ABHD16A: variants seen among roughly 807,000 people sequenced by gnomAD.
The protein encoded by ABHD16A is abhydrolase domain containing 16A, phospholipase.
A neutral mutation model predicts 89.8 loss-of-function variants in ABHD16A; 47 were observed. The observed-to-expected ratio is 0.52, with a 90% CI of 0.41 to 0.67. ABHD16A has a LOEUF of 0.67. ABHD16A is among the 30% of genes least tolerant of loss of function. ABHD16A has a pLI of 0.00. For missense variants in ABHD16A, 580 were observed against 734.6 expected (o/e 0.79, Z 2.43); for synonymous variants, 251 against 280.4 (o/e 0.90, Z 1.05).
At chr6:31,697,183 G>C in intron 4 of ABHD16A, 150 bp from the exon 5 acceptor site, 1 of 691,180 alleles carries the variant, frequency 1.4e-6, no homozygotes, top group Non-Finnish European at 2.5e-6. Context: ...CGGAGAAATA[G>C]ATGTGAGCCA....
chr6:31,689,764 C>A, intron 11 of ABHD16A, 60 bp from the exon 12 acceptor site: 1 of 1,559,502 alleles, frequency 6.4e-7, no homozygotes, highest in South Asian at 1.2e-5. Context: ...TCACCTGTCC[C>A]TCCCAACGTG....
At position 31,687,024 on chromosome 6, in the gene ABHD16A, TGGA is replaced by T; in HGVS notation, c.*185_*187del. 3.3e-6 allele frequency: 2 copies of T among 603,796 alleles called. No homozygotes were observed. The highest frequency in any genetic ancestry group is 3.0e-6 in the Non-Finnish European group (1 of 335,654). The allele number at this position is 603,796 out of a possible 1,614,324, so 37.4% of individuals were successfully genotyped here. ...CATTCATGTAATGCAGGATGTATGT[TGGA>T]GAAGGTTAAGTACAGCCACATGAAT... On this transcript the variant is annotated 3_prime_UTR_variant, in exon 20 of 20. Coordinates refer to ENST00000395952, the MANE Select transcript of ABHD16A (RefSeq NM_021160.3). This position sits in a 1 kb window ranked among gnomAD's most constrained non-coding sequence, Gnocchi z 6.3.
At position 31,690,776 on chromosome 6, in the gene ABHD16A, C is replaced by A. The variant is rs1159840011; in HGVS notation, c.844-174G>T. The stretch of plus-strand genomic sequence containing the variant: ...TCCACAGGGTCCATAAGAGGAGAAG[C>A]AAAGGGATTACAAATACTCCTCAGA... On this transcript the variant is annotated intron_variant, in intron 9 of 19. Transcript: ENST00000395952. This position sits in a 1 kb window ranked among gnomAD's most constrained non-coding sequence, Gnocchi z 4.1. Among the ~76,000 whole-genome samples the A allele has an allele frequency of 6.6e-6, 1 of 152,166 alleles. No homozygotes were observed. Among genetic ancestry groups the A allele is most frequent in the African/African-American group, 2.4e-5 (1 of 41,402 alleles).
chr6:31,687,487 C>T lies in ABHD16A; in HGVS notation c.1593+11G>A, dbSNP rs753568852. Reference sequence around the variant, plus strand: ...TCAAGAACCCTTCCCACTTCCCACTCCTTAGCTCACCAGAAACAAAGCCAG... The same window carrying T: ...TCAAGAACCCTTCCCACTTCCCACTTCTTAGCTCACCAGAAACAAAGCCAG... On this transcript the variant is annotated intron_variant, in intron 19 of 19. Transcript: ENST00000395952. The surrounding 1 kb of genome is among the most constrained non-coding windows in gnomAD (Gnocchi z 6.3). 2 of 1,613,102 alleles carry T rather than the reference C, an allele frequency of 1.2e-6. No homozygotes were observed. The highest frequency in any genetic ancestry group is 1.7e-5 in the Admixed American group (1 of 60,026).
At position 31,693,483 on chromosome 6, in the gene ABHD16A, T is replaced by C. The variant is rs565961877; in HGVS notation, c.430-51A>G. The C allele has an allele frequency of 4.5e-6, 7 of 1,566,538 alleles. No homozygotes were observed. The South Asian group carries it at 7.8e-5, about 18-fold the overall frequency. The stretch of plus-strand genomic sequence containing the variant: ...GGTACTGAGAACTCAGGGGAGGCTC[T>C]CCTACCCACCCTCAACAACACCTTC... On this transcript the variant is annotated intron_variant, in intron 5 of 19. Transcript: ENST00000395952. The surrounding 1 kb of genome is among the most constrained non-coding windows in gnomAD (Gnocchi z 5.0).
Position 31,693,460 on chromosome 6 carries a change from TACTGAGA to T in ABHD16A, c.430-35_430-29del. 4.3e-6 allele frequency: 7 copies of T among 1,610,298 alleles called. No homozygotes were observed. The highest frequency in any genetic ancestry group is 5.9e-6 in the Non-Finnish European group (7 of 1,178,176). ...GCAGTGGGCACGAGAGGCAAAGGGG[TACTGAGA>T]ACTCAGGGGAGGCTCTCCTACCCAC... On this transcript the variant is annotated intron_variant, in intron 5 of 19. Coordinates refer to ENST00000395952, the MANE Select transcript of ABHD16A (RefSeq NM_021160.3). This position sits in a 1 kb window ranked among gnomAD's most constrained non-coding sequence, Gnocchi z 5.0.
Position 31,687,165 on chromosome 6 carries a change from C to T in ABHD16A, c.*47G>A, listed in dbSNP as rs1803369733. 1 of 1,533,332 alleles carries T rather than the reference C, an allele frequency of 6.5e-7. No individual in the cohort carries two copies. The highest frequency in any genetic ancestry group is 9.0e-7 in the Non-Finnish European group (1 of 1,112,816). 95.0% of individuals were successfully genotyped at this position (1,533,332 alleles called of 1,614,324 possible). Reference sequence around the variant, plus strand: ...AATCACAAATAAGAGGGTCTTTCCTCATGTCTCCTCTCACCCCATTCTTCC... The same window carrying T: ...AATCACAAATAAGAGGGTCTTTCCTTATGTCTCCTCTCACCCCATTCTTCC... On this transcript the variant is annotated 3_prime_UTR_variant, in exon 20 of 20. Coordinates refer to ENST00000395952, the MANE Select transcript of ABHD16A (RefSeq NM_021160.3). This position sits in a 1 kb window ranked among gnomAD's most constrained non-coding sequence, Gnocchi z 6.3.
In ABHD16A at chr6:31,703,255, T is replaced by C. The variant is rs756744285; in HGVS notation, c.27A>G (p.Leu9=). The C allele has an allele frequency of 7.2e-7, 1 of 1,393,056 alleles. No homozygotes were observed. Among genetic ancestry groups the C allele is most frequent in the Non-Finnish European group, 9.4e-7 (1 of 1,060,252 alleles). 86.3% of individuals were successfully genotyped at this position (1,393,056 alleles called of 1,614,324 possible). MAKLLSCV[L]GPRLYKIYRE... ...GGTAGATTTTGTAGAGCCGGGGGCC[T>C]AGGACGCAGCTCAGCAGCTTCGCCA... Residue 9 remains leucine, a synonymous_variant, in exon 1 of 20, where the codon CTA becomes CTG. Transcript: ENST00000395952.
intron 4 of ABHD16A, among the ~76,000 whole-genome samples, chr6:31,699,599 G>C (rs1562118249): frequency 6.6e-6 from 1 of 151,942 alleles, no homozygotes; most frequent in South Asian, 2.1e-4. Flanking sequence ...TGGAGACAGA[G>C]TCTCGCTCTG....
chr6:31,694,054 T>G (rs958763528), intron 5 of ABHD16A, among the ~76,000 whole-genome samples: 1 of 149,082 alleles, frequency 6.7e-6, no homozygotes, highest in Non-Finnish European at 1.5e-5. Flanking sequence ...CCAGTCCACA[T>G]GCCTTTTTTT....
rs780533614 is a variant in ABHD16A, at chr6:31,690,615, C to G, written c.844-13G>C. 1 of 1,612,782 alleles carries G rather than the reference C, an allele frequency of 6.2e-7. No individual in the cohort carries two copies. The highest frequency in any genetic ancestry group is 1.1e-5 in the South Asian group (1 of 91,078). ...CACAGCAGATCACCTAGGAAGGAGG[C>G]AGGAAGGAAGGGCTGGGGGGCCAAG... On this transcript the variant is annotated splice_polypyrimidine_tract_variant and intron_variant, in intron 9 of 19. Coordinates refer to ENST00000395952, the MANE Select transcript of ABHD16A (RefSeq NM_021160.3). This position sits in a 1 kb window ranked among gnomAD's most constrained non-coding sequence, Gnocchi z 4.1.
rs191132490 is a variant in ABHD16A at position 31,703,029 on chromosome 6, C to T, written c.132+121G>A. The T allele has an allele frequency of 1.2e-4, 163 of 1,359,124 alleles. 1 individual carries two copies. In the East Asian group the frequency reaches 4.3e-3, roughly 36 times the overall value. 84.2% of individuals were successfully genotyped at this position (1,359,124 alleles called of 1,614,324 possible). ...GGAAGCACACAGAGCGCAGATTTTG[C>T]GGATAACTGGCTTGACAAGCAGGCT... On this transcript the variant is annotated intron_variant, in intron 1 of 19. Coordinates refer to ENST00000395952, the MANE Select transcript of ABHD16A (RefSeq NM_021160.3).
chr6:31,697,110 G>C, intron 4 of ABHD16A, 77 bp from the exon 5 acceptor site: 1 of 1,348,678 alleles, frequency 7.4e-7, no homozygotes, highest in Admixed American at 1.7e-5. Context: ...AAGAATTGGA[G>C]ATGGGCTAGA....
At chr6:31,697,116 C>G in intron 4 of ABHD16A, 83 bp from the exon 5 acceptor site, 4 of 1,258,690 alleles carry the variant, frequency 3.2e-6, no homozygotes, top group Non-Finnish European at 4.6e-6. Context: ...TGGAGATGGG[C>G]TAGAAGAAGG....
intron 5 of ABHD16A, among the ~76,000 whole-genome samples, chr6:31,695,401 T>C (rs1562109528): frequency 6.6e-6 from 1 of 152,166 alleles, no homozygotes; most frequent in Non-Finnish European, 1.5e-5. Context: ...AGAACTGAGC[T>C]GCTGTGATAC....
rs1803654127 is a variant in ABHD16A, at chr6:31,689,573, G to A, written c.1081+8C>T. 6.3e-7 allele frequency: 1 copy of A among 1,580,362 alleles called. No homozygotes were observed. Among genetic ancestry groups the A allele is most frequent in the South Asian group, 1.2e-5 (1 of 86,712 alleles). On this transcript the variant is annotated splice_region_variant and intron_variant, in intron 12 of 19. Coordinates refer to ENST00000395952, the MANE Select transcript of ABHD16A (RefSeq NM_021160.3). Reference sequence around the variant, plus strand: ...GTCTACAGTGGGGGATGGGAGGGAGGCTGGTACCAGTGAAGCCGCCGATGG... The same window carrying A: ...GTCTACAGTGGGGGATGGGAGGGAGACTGGTACCAGTGAAGCCGCCGATGG...
Position 31,688,145 on chromosome 6 carries a change from G to A in ABHD16A, c.1308-42C>T. The A allele has an allele frequency of 6.2e-7, 1 of 1,606,544 alleles. No homozygotes were observed. The highest frequency in any genetic ancestry group is 8.5e-7 in the Non-Finnish European group (1 of 1,174,834). On this transcript the variant is annotated intron_variant, in intron 15 of 19. Transcript: ENST00000395952. The surrounding 1 kb of genome is among the most constrained non-coding windows in gnomAD (Gnocchi z 4.9). ...TGTACCCTGGAGGGGCTGGAGGTTA[G>A]GAGGAAGGGTCTAGATACCCAGGTT...
At chr6:31,691,380 G>A (rs573025773) in intron 9 of ABHD16A, 199 bp downstream of exon 9, 13 of 559,450 alleles carry the variant, frequency 2.3e-5, no homozygotes, top group African/African-American at 9.3e-5. Context: ...TTAGTTTCTC[G>A]TCCTTGAACG....
chr6:31,688,517 C>T lies in ABHD16A; in HGVS notation c.1250+206G>A, dbSNP rs1444156634. 1 of 794,118 alleles carries T rather than the reference C, an allele frequency of 1.3e-6. No homozygotes were observed. Among genetic ancestry groups the T allele is most frequent in the African/African-American group, 1.7e-5 (1 of 57,468 alleles). 49.2% of individuals were successfully genotyped at this position (794,118 alleles called of 1,614,324 possible). On this transcript the variant is annotated intron_variant, in intron 14 of 19. Transcript: ENST00000395952. The surrounding 1 kb of genome is among the most constrained non-coding windows in gnomAD (Gnocchi z 4.9). The stretch of plus-strand genomic sequence containing the variant: ...AGACCCCTGCCGTGCCAGGCCTTAA[C>T]CCTTTGGTTGCCAGATCCTGAGGTG...
Sources: gnomAD v4.1 joint callset for allele counts (sites outside exome capture counted in the v4.1 genomes callset) on GRCh38, gnomAD v4.1.1 for gene constraint, Gnocchi (gnomAD v3.1) non-coding constraint, MANE v1.5 for transcripts, NCBI Gene and HGNC (gene_info 2026-07-23, HGNC 2026-07-21) for gene names.